The following CAST variants were observed in gnomAD, a reference collection of about 807,000 sequenced individuals.
The protein encoded by CAST is calpastatin.
In CAST, 76 loss-of-function variants were observed where a neutral mutation model predicts 119.6. That is an observed-to-expected ratio of 0.64 (90% CI 0.53 to 0.77). The LOEUF (loss-of-function observed/expected upper bound fraction) is 0.77, where lower values mean the gene tolerates loss of function less well. Ranked by LOEUF, CAST falls within the 30% of genes least tolerant of loss-of-function variation. CAST has a pLI of 0.00. For synonymous variants in CAST, 319 were observed against 331.6 expected, an observed-to-expected ratio of 0.96 and a Z score of 0.41; for missense variants, 953 against 946.5, an observed-to-expected ratio of 1.01 and a Z score of -0.09.
At chr5:96,375,292 C>T in the CAST span, among the ~76,000 whole-genome samples, 2 of 152,114 alleles carry the variant, frequency 1.3e-5, no homozygotes, top group South Asian at 2.1e-4. Flanking sequence ...GTCAACTTCC[C>T]CTATAGCTGT....
chr5:96,163,816 C>T, the CAST span, among the ~76,000 whole-genome samples: 1 of 152,120 alleles, frequency 6.6e-6, no homozygotes, highest in African/African-American at 2.4e-5. Context: ...GTCTGCCTAC[C>T]CCATAAAACT....
intron 1 of CAST, among the ~76,000 whole-genome samples, chr5:96,557,476 C>T (rs372409513): frequency 4.0e-5 from 6 of 151,274 alleles, no homozygotes; most frequent in Admixed American, 2.0e-4. Context: ...TATCATGTGC[C>T]GACACACACA....
the CAST span, among the ~76,000 whole-genome samples, chr5:96,017,696 G>C: frequency 6.6e-6 from 1 of 151,998 alleles, no homozygotes; most frequent in Non-Finnish European, 1.5e-5. Flanking sequence ...GAGGAAATGA[G>C]ATATAAAAAT....
the CAST span, among the ~76,000 whole-genome samples, chr5:96,273,188 A>T: frequency 7.1e-3 from 1,088 of 152,326 alleles, 11 homozygotes; most frequent in African/African-American, 0.025. Context: ...AACTTGATGT[A>T]AATAAAATGA....
chr5:96,499,525 A>G, the CAST span, among the ~76,000 whole-genome samples: 1 of 152,254 alleles, frequency 6.6e-6, no homozygotes, highest in Non-Finnish European at 1.5e-5. Flanking sequence ...TTGCCTCCAC[A>G]TTCATGTCTA....
the CAST span, among the ~76,000 whole-genome samples, chr5:96,383,786 C>T: frequency 5.9e-5 from 9 of 152,070 alleles, no homozygotes; most frequent in African/African-American, 2.2e-4. Flanking sequence ...AGTGATGTGA[C>T]AAGATATGCA....
chr5:96,207,007 A>C, the CAST span, among the ~76,000 whole-genome samples: 1 of 151,944 alleles, frequency 6.6e-6, no homozygotes, highest in African/African-American at 2.4e-5. Flanking sequence ...GTTCTTGTAG[A>C]GATCTTTCCT....
the CAST span, among the ~76,000 whole-genome samples, chr5:96,070,227 T>G: frequency 6.6e-6 from 1 of 152,186 alleles, no homozygotes; most frequent in Non-Finnish European, 1.5e-5. Context: ...CCTCTCCATT[T>G]CCAAAGCCCT....
chr5:96,140,145 G>T, the CAST span, among the ~76,000 whole-genome samples: 70 of 152,280 alleles, frequency 4.6e-4, no homozygotes, highest in African/African-American at 1.7e-3. Context: ...GAACCACTTG[G>T]CTAGAAATAG....
At chr5:96,096,040 G>A in the CAST span, among the ~76,000 whole-genome samples, 4 of 152,246 alleles carry the variant, frequency 2.6e-5, no homozygotes, top group African/African-American at 9.6e-5. Context: ...GGGTTATGTG[G>A]TACTCAGGCC....
the CAST span, among the ~76,000 whole-genome samples, chr5:96,498,611 A>T: frequency 1.3e-5 from 2 of 152,232 alleles, no homozygotes; most frequent in East Asian, 3.8e-4. Context: ...AGCAGTGTGT[A>T]ATAAAATATG....
chr5:96,510,131 C>T, the CAST span, among the ~76,000 whole-genome samples: 66 of 152,188 alleles, frequency 4.3e-4, no homozygotes, highest in African/African-American at 1.4e-3. Flanking sequence ...TGCTTGCTGA[C>T]GTAAATTAGT....
upstream of CAST, among the ~76,000 whole-genome samples, chr5:96,659,479 T>C (rs985903082): frequency 6.6e-6 from 1 of 152,212 alleles, no homozygotes; most frequent in African/African-American, 2.4e-5. Flanking sequence ...GAATAAATGA[T>C]TACCTATGTG....
the CAST span, among the ~76,000 whole-genome samples, chr5:96,148,341 C>T: frequency 2.6e-5 from 4 of 152,058 alleles, no homozygotes; most frequent in African/African-American, 7.2e-5. Context: ...CCTGTCTGTT[C>T]GGCACACTAA....
the CAST span, among the ~76,000 whole-genome samples, chr5:96,317,476 C>CAAAAAAAAAAAAAAAAAA: frequency 4.0e-5 from 2 of 50,578 alleles, no homozygotes; most frequent in African/African-American, 8.6e-5. Flanking sequence ...GACTCCATCT[C>CAAAAAAAAAAAAAAAAAA]AAAAAAAAAA....
At chr5:96,507,686 C>A in the CAST span, among the ~76,000 whole-genome samples, 1 of 152,158 alleles carries the variant, frequency 6.6e-6, no homozygotes, top group East Asian at 1.9e-4. Context: ...CCAGGGTGCT[C>A]TGTCCTCCTG....
chr5:96,446,037 C>CG, the CAST span, among the ~76,000 whole-genome samples: 4 of 152,016 alleles, frequency 2.6e-5, no homozygotes, highest in Non-Finnish European at 5.9e-5. Flanking sequence ...TTTGTAGAGA[C>CG]GGAGTCTCCC....
chr5:96,652,445 C>G (rs554781689), intron 1 of CAST, among the ~76,000 whole-genome samples: 29 of 152,238 alleles, frequency 1.9e-4, no homozygotes, highest in African/African-American at 6.5e-4. Flanking sequence ...AATTAAAACT[C>G]TGGAGGAGGA....
At chr5:96,303,214 G>C in the CAST span, among the ~76,000 whole-genome samples, 1 of 152,062 alleles carries the variant, frequency 6.6e-6, no homozygotes, top group Non-Finnish European at 1.5e-5. Context: ...CAAATATTAT[G>C]AGAACTCACT....
Sources: gnomAD v4.1 joint callset for allele counts (sites outside exome capture counted in the v4.1 genomes callset) on GRCh38, gnomAD v4.1.1 for gene constraint, MANE v1.5 for transcripts, NCBI Gene and HGNC (gene_info 2026-07-23, HGNC 2026-07-21) for gene names.